Variants in TRPM3 observed in about 807,000 individuals in gnomAD.
TRPM3 encodes the protein transient receptor potential cation channel subfamily M member 3.
In TRPM3, 77 loss-of-function variants were observed where a neutral mutation model predicts 181.2. That is an observed-to-expected ratio of 0.42 (90% confidence interval 0.35 to 0.51). TRPM3 has a LOEUF of 0.51. Among genes scored for constraint, TRPM3 ranks in the 20% least tolerant of loss-of-function variants. The probability of loss-of-function intolerance (pLI) is 0.01; values close to 1 mark genes in which losing one functional copy is unlikely to be tolerated. For missense variants in TRPM3, 1,759 were observed against 2,196.7 expected (o/e 0.80, Z 3.98); for synonymous variants, 745 against 796.4 (o/e 0.94, Z 1.09).
intron 25 of TRPM3, among the ~76,000 whole-genome samples, chr9:70,539,635 A>G (rs910749154): frequency 4.6e-5 from 7 of 152,156 alleles, no homozygotes; most frequent in African/African-American, 1.7e-4. Context: ...CAGCTGACAC[A>G]GCTAATTCAG....
intron 1 of TRPM3, among the ~76,000 whole-genome samples, chr9:71,140,334 A>T (rs573116967): frequency 1.3e-5 from 2 of 152,294 alleles, no homozygotes; most frequent in South Asian, 4.1e-4. Context: ...CAGAGATGTG[A>T]TCAGCCCAGT....
At chr9:70,977,644 G>A (rs755476092) in intron 1 of TRPM3, among the ~76,000 whole-genome samples, 11 of 152,152 alleles carry the variant, frequency 7.2e-5, no homozygotes, top group Non-Finnish European at 1.3e-4. Context: ...AGTCAGTCTG[G>A]GTCAGTTTTA....
intron 1 of TRPM3, among the ~76,000 whole-genome samples, chr9:71,025,767 T>C (rs2134580829): frequency 6.6e-6 from 1 of 152,300 alleles, no homozygotes. Context: ...CCTAAGAGCC[T>C]GCTCCAAGAT....
chr9:71,121,073 T>C, intron 1 of TRPM3, 105 bp downstream of exon 1: 1 of 1,110,008 alleles, frequency 9.0e-7, no homozygotes, highest in Non-Finnish European at 1.3e-6. Flanking sequence ...CAGTACTGCA[T>C]GCATTTAGGC....
chr9:70,551,827 C>A (rs2046533198), intron 24 of TRPM3, among the ~76,000 whole-genome samples: 2 of 152,162 alleles, frequency 1.3e-5, no homozygotes, highest in African/African-American at 2.4e-5. Context: ...CACCCCGACC[C>A]CTCCAACTTT....
intron 1 of TRPM3, among the ~76,000 whole-genome samples, chr9:71,366,007 CCTTT>C (rs1188520015): frequency 6.6e-6 from 1 of 151,950 alleles, no homozygotes; most frequent in Non-Finnish European, 1.5e-5. Flanking sequence ...GGTAGGAATG[CCTTT>C]CTGAGGTTCC....
chr9:70,700,118 G>T (rs1164895687), intron 8 of TRPM3, among the ~76,000 whole-genome samples: 1 of 152,170 alleles, frequency 6.6e-6, no homozygotes, highest in Admixed American at 6.5e-5. Flanking sequence ...GAGTAGCTTA[G>T]ACTACAGGCA....
chr9:71,100,456 A>C (rs2068151542), intron 1 of TRPM3, among the ~76,000 whole-genome samples: 1 of 152,146 alleles, frequency 6.6e-6, no homozygotes, highest in Non-Finnish European at 1.5e-5. Flanking sequence ...TCATCACAAC[A>C]GTTCCTTCAG....
At chr9:71,255,137 C>A (rs1169504718) in intron 1 of TRPM3, among the ~76,000 whole-genome samples, 1 of 152,184 alleles carries the variant, frequency 6.6e-6, no homozygotes, top group Non-Finnish European at 1.5e-5. Context: ...ATGACCAGAA[C>A]CTACCACTGT....
chr9:71,286,861 C>T (rs1226699264), intron 1 of TRPM3, among the ~76,000 whole-genome samples: 1 of 147,370 alleles, frequency 6.8e-6, no homozygotes, highest in Non-Finnish European at 1.5e-5. Flanking sequence ...TCTTCAGATG[C>T]CTCACATTGT....
intron 1 of TRPM3, among the ~76,000 whole-genome samples, chr9:71,365,639 T>C (rs756781388): frequency 2.6e-5 from 4 of 152,160 alleles, no homozygotes; most frequent in African/African-American, 4.8e-5. Flanking sequence ...CCTTATTATA[T>C]TGGGGTTGTA....
At chr9:70,588,210 T>C (rs1029401589) in intron 22 of TRPM3, among the ~76,000 whole-genome samples, 6 of 152,186 alleles carry the variant, frequency 3.9e-5, no homozygotes, top group African/African-American at 1.4e-4. Context: ...TATCTTAGGC[T>C]TTATTGATCT....
At chr9:70,856,696 A>G (rs1003164292) in intron 3 of TRPM3, among the ~76,000 whole-genome samples, 2 of 152,140 alleles carry the variant, frequency 1.3e-5, no homozygotes, top group Non-Finnish European at 2.9e-5. Context: ...TAGAGCTTTA[A>G]GTGTGAAAAT....
intron 1 of TRPM3, among the ~76,000 whole-genome samples, chr9:71,437,684 A>G (rs1218815216): frequency 6.6e-6 from 1 of 151,924 alleles, no homozygotes; most frequent in South Asian, 2.1e-4. Context: ...CCTGGCCAAC[A>G]TGGTGAAACC....
At chr9:71,171,925 G>T (rs1179643690) in intron 1 of TRPM3, among the ~76,000 whole-genome samples, 1 of 151,924 alleles carries the variant, frequency 6.6e-6, no homozygotes, top group African/African-American at 2.4e-5. Flanking sequence ...TTAAGACAGG[G>T]TCTCACTCTG....
intron 1 of TRPM3, among the ~76,000 whole-genome samples, chr9:70,947,688 G>A (rs1387107979): frequency 6.6e-6 from 1 of 152,088 alleles, no homozygotes; most frequent in Non-Finnish European, 1.5e-5. Context: ...CCTACTTCTG[G>A]AGGCTCCAAG....
At chr9:70,987,725 A>T (rs1254306680) in intron 1 of TRPM3, among the ~76,000 whole-genome samples, 1 of 152,146 alleles carries the variant, frequency 6.6e-6, no homozygotes, top group Non-Finnish European at 1.5e-5. Flanking sequence ...TCCATTAAGT[A>T]GTACTGCTGC....
intron 1 of TRPM3, among the ~76,000 whole-genome samples, chr9:71,022,187 T>C (rs1025187193): frequency 6.6e-6 from 1 of 152,126 alleles, no homozygotes; most frequent in African/African-American, 2.4e-5. Context: ...TCAGCAGAGA[T>C]TGATACACAC....
At chr9:70,656,043 T>C (rs971536668) in intron 9 of TRPM3, among the ~76,000 whole-genome samples, 1 of 152,224 alleles carries the variant, frequency 6.6e-6, no homozygotes, top group Non-Finnish European at 1.5e-5. Flanking sequence ...AAGTAAAGTC[T>C]AGTTAAATGC....
Sources: allele counts gnomAD v4.1 joint callset (sites outside exome capture counted in the v4.1 genomes callset), GRCh38; gene constraint gnomAD v4.1.1; transcripts MANE v1.5; gene names NCBI Gene and HGNC (gene_info 2026-07-23, HGNC 2026-07-21).